Variants in BAZ2B observed in about 807,000 individuals in gnomAD.
The protein encoded by BAZ2B is bromodomain adjacent to zinc finger domain protein 2B.
BAZ2B carries 91 observed loss-of-function variants against 246.0 expected under a neutral mutation model. The ratio of observed to expected loss-of-function variants is 0.37; its 90% confidence interval spans 0.31 to 0.44. The LOEUF (loss-of-function observed/expected upper bound fraction) is 0.44, where lower values mean the gene tolerates loss of function less well. BAZ2B is among the 20% of genes least tolerant of loss of function. The pLI is 1.00. For missense variants in BAZ2B, 2,332 were observed against 2,533.7 expected, an observed-to-expected ratio of 0.92 and a Z score of 1.71; for synonymous variants, 855 against 860.0, an observed-to-expected ratio of 0.99 and a Z score of 0.10.
At chr2:159,433,851 G>A (rs945658013) in intron 8 of BAZ2B, 33 of 153,826 alleles carry the variant, frequency 2.1e-4, no homozygotes, top group Non-Finnish European at 3.2e-4. Flanking sequence ...TAAACTCATC[G>A]AAAGTTGAAA....
chr2:159,461,519 T>C (rs191284326), intron 3 of BAZ2B: 1 of 152,658 alleles, frequency 6.6e-6, no homozygotes, highest in East Asian at 1.9e-4. Context: ...ATGATTTACA[T>C]AGCTGTTTAA....
At chr2:159,596,049 C>G (rs2151731993) in intron 1 of BAZ2B, among the ~76,000 whole-genome samples, 1 of 152,298 alleles carries the variant, frequency 6.6e-6, no homozygotes, top group South Asian at 2.1e-4. Context: ...TTTCTTTTAA[C>G]AGACTATACC....
intron 2 of BAZ2B, among the ~76,000 whole-genome samples, chr2:159,540,951 C>T (rs1424151729): frequency 1.3e-5 from 2 of 152,106 alleles, no homozygotes; most frequent in African/African-American, 2.4e-5. Flanking sequence ...ACTACATTTG[C>T]AAAGGGTAAA....
At chr2:159,665,026 C>A in the BAZ2B span, among the ~76,000 whole-genome samples, 46 of 147,832 alleles carry the variant, frequency 3.1e-4, no homozygotes, top group Non-Finnish European at 6.3e-4. Context: ...AATCAATGTA[C>A]AAAAATCACA....
At chr2:159,327,556 TACACTGAGCTTTTACTCTG>T (rs1271593523) in intron 34 of BAZ2B, among the ~76,000 whole-genome samples, 1 of 152,210 alleles carries the variant, frequency 6.6e-6, no homozygotes, top group East Asian at 1.9e-4. Flanking sequence ...GTTTTTATAT[TACACTGAGCTTTTACTCTG>T]AATCTCTAAA....
the BAZ2B span, among the ~76,000 whole-genome samples, chr2:159,650,016 C>T: frequency 6.6e-6 from 1 of 152,072 alleles, no homozygotes; most frequent in African/African-American, 2.4e-5. Flanking sequence ...TAGTTAATCC[C>T]ATCTCTTGTG....
the BAZ2B span, among the ~76,000 whole-genome samples, chr2:159,703,380 G>A: frequency 1.4e-3 from 211 of 152,032 alleles, 1 homozygote; most frequent in Middle Eastern, 0.01. Flanking sequence ...AGGAGTGAGC[G>A]ACTGCGCCCA....
chr2:159,687,783 TTTGA>T, the BAZ2B span, among the ~76,000 whole-genome samples: 1 of 152,092 alleles, frequency 6.6e-6, no homozygotes, highest in Non-Finnish European at 1.5e-5. Flanking sequence ...GAACTGGGAT[TTTGA>T]TTGGTGTCTG....
intron 3 of BAZ2B, among the ~76,000 whole-genome samples, chr2:159,466,463 C>A (rs1362066181): frequency 6.6e-6 from 1 of 152,104 alleles, no homozygotes; most frequent in East Asian, 1.9e-4. Flanking sequence ...AAAGTCCTTG[C>A]CCTTTAAATG....
chr2:159,509,376 A>G (rs534125166), intron 2 of BAZ2B, among the ~76,000 whole-genome samples: 44 of 152,164 alleles, frequency 2.9e-4, no homozygotes, highest in Non-Finnish European at 5.6e-4. Context: ...ACTTCTAGAA[A>G]ATATTACAAA....
chr2:159,494,505 A>G (rs970149268), intron 2 of BAZ2B, among the ~76,000 whole-genome samples: 8 of 152,146 alleles, frequency 5.3e-5, no homozygotes, highest in Non-Finnish European at 1.2e-4. Flanking sequence ...TACTACTACT[A>G]CTACACTAGC....
chr2:159,407,005 C>T (rs952586122), intron 14 of BAZ2B, among the ~76,000 whole-genome samples: 30 of 151,900 alleles, frequency 2.0e-4, no homozygotes, highest in Non-Finnish European at 3.2e-4. Flanking sequence ...TCACCTGCCT[C>T]GGCCTCCCAA....
the BAZ2B span, among the ~76,000 whole-genome samples, chr2:159,674,616 T>C: frequency 4.6e-5 from 7 of 151,462 alleles, no homozygotes; most frequent in South Asian, 1.5e-3. Flanking sequence ...CTTGGGAGGC[T>C]GAGGCAGGAG....
intron 1 of BAZ2B, among the ~76,000 whole-genome samples, chr2:159,558,110 T>G (rs1270603698): frequency 6.6e-6 from 1 of 152,136 alleles, no homozygotes; most frequent in Non-Finnish European, 1.5e-5. Context: ...AAGTGAAAGA[T>G]TACTTCAAAG....
At chr2:159,504,628 T>A (rs1397505165) in intron 2 of BAZ2B, among the ~76,000 whole-genome samples, 1 of 152,216 alleles carries the variant, frequency 6.6e-6, no homozygotes, top group Non-Finnish European at 1.5e-5. Context: ...CTAGTTTATT[T>A]GTGTAAGCTA....
At chr2:159,674,264 A>T in the BAZ2B span, among the ~76,000 whole-genome samples, 1 of 151,114 alleles carries the variant, frequency 6.6e-6, no homozygotes, top group African/African-American at 2.4e-5. Flanking sequence ...GAGCCCACTA[A>T]GTGAGGGCTG....
intron 2 of BAZ2B, among the ~76,000 whole-genome samples, chr2:159,504,352 AG>A (rs1431326798): frequency 1.3e-5 from 2 of 152,032 alleles, no homozygotes; most frequent in Admixed American, 1.3e-4. Context: ...TTAAGAGATG[AG>A]GGTCTTACCA....
chr2:159,572,724 C>T (rs1459968384), intron 1 of BAZ2B, among the ~76,000 whole-genome samples: 1 of 152,058 alleles, frequency 6.6e-6, no homozygotes, highest in South Asian at 2.1e-4. Flanking sequence ...TTATATTTTA[C>T]AATTATTTTA....
intron 25 of BAZ2B, among the ~76,000 whole-genome samples, chr2:159,380,135 T>C (rs1301788956): frequency 6.6e-6 from 1 of 152,134 alleles, no homozygotes. Context: ...ACAGTGCTTT[T>C]TAAAATTTCT....
Sources: gnomAD v4.1 joint callset for allele counts (sites outside exome capture counted in the v4.1 genomes callset) on GRCh38, gnomAD v4.1.1 for gene constraint, MANE v1.5 for transcripts, NCBI Gene and HGNC (gene_info 2026-07-23, HGNC 2026-07-21) for gene names.